SMAP1: variants seen among roughly 807,000 people sequenced by gnomAD.
SMAP1 encodes small ArfGAP 1, also known as stromal membrane-associated protein 1.
In SMAP1, 24 loss-of-function variants were observed where a neutral mutation model predicts 58.5. That is an observed-to-expected ratio of 0.41 (90% CI 0.30 to 0.58). The LOEUF is 0.58. Ranked by LOEUF, SMAP1 falls within the 20% of genes least tolerant of loss-of-function variation. The pLI is 0.29. For synonymous variants in SMAP1, 216 were observed against 196.6 expected, an observed-to-expected ratio of 1.10 and a Z score of -0.82; for missense variants, 563 against 566.3, an observed-to-expected ratio of 0.99 and a Z score of 0.06.
intron 3 of SMAP1, among the ~76,000 whole-genome samples, chr6:70,760,137 T>C (rs183512938): frequency 1.3e-5 from 2 of 152,222 alleles, no homozygotes; most frequent in East Asian, 3.9e-4. Context: ...TGATTGCCTT[T>C]GAAAATAGGG....
intron 1 of SMAP1, chr6:70,668,568 T>G (rs1249117008): frequency 1.3e-6 from 2 of 1,534,812 alleles, no homozygotes; most frequent in Non-Finnish European, 1.7e-6. Flanking sequence ...CTGGATCCCC[T>G]CCTCTACCCT....
intron 3 of SMAP1, among the ~76,000 whole-genome samples, chr6:70,759,024 A>G (rs1204901150): frequency 6.6e-6 from 1 of 152,056 alleles, no homozygotes; most frequent in Non-Finnish European, 1.5e-5. Context: ...CAGATTGAGG[A>G]GTCGCTTAGC....
chr6:70,779,815 T>G (rs1368376528), intron 4 of SMAP1, among the ~76,000 whole-genome samples: 1 of 152,202 alleles, frequency 6.6e-6, no homozygotes, highest in Non-Finnish European at 1.5e-5. Context: ...CGTGATGATC[T>G]GAGGTGGAGC....
At position 70,670,371 on chromosome 6, in the gene SMAP1, T is replaced by C. The variant is rs145880276; in HGVS notation, c.118+2230T>C. ...AAAAAATCACAGGTAAGGCCACTTA[T>C]TGATTTAATTAGACTTGATTTCATG... On this transcript the variant is annotated intron_variant, in intron 1 of 10. Coordinates refer to ENST00000370455, the MANE Select transcript of SMAP1 (RefSeq NM_001044305.3). 8.8e-3 allele frequency among the ~76,000 whole-genome samples: 1,348 copies of C among 152,332 alleles called. 22 individuals carry two copies. The highest frequency in any genetic ancestry group is 0.031 in the African/African-American group (1,282 of 41,572).
At chr6:70,757,868 C>G (rs1766568388) in intron 3 of SMAP1, among the ~76,000 whole-genome samples, 1 of 151,704 alleles carries the variant, frequency 6.6e-6, no homozygotes, top group Non-Finnish European at 1.5e-5. Context: ...AGTCAGGAAA[C>G]AACAGGTGCT....
intron 6 of SMAP1, among the ~76,000 whole-genome samples, chr6:70,834,127 C>G (rs1358225082): frequency 2.0e-5 from 3 of 152,120 alleles, no homozygotes; most frequent in African/African-American, 7.2e-5. Flanking sequence ...CTCAATTTAG[C>G]TTTTTCTTTC....
chr6:70,783,539 A>C (rs1031932417), intron 4 of SMAP1, among the ~76,000 whole-genome samples: 3 of 152,332 alleles, frequency 2.0e-5, no homozygotes, highest in Admixed American at 2.0e-4. Flanking sequence ...ATGGCAAAGA[A>C]GTTAAAAACT....
chr6:70,734,606 A>T (rs1304447506), intron 2 of SMAP1: 2 of 152,748 alleles, frequency 1.3e-5, no homozygotes, highest in African/African-American at 4.8e-5. Flanking sequence ...GGGGACTCTG[A>T]TGAGGCTGGG....
At chr6:70,684,717 ATTCC>A (rs1176480517) in intron 1 of SMAP1, among the ~76,000 whole-genome samples, 1 of 152,036 alleles carries the variant, frequency 6.6e-6, no homozygotes, top group African/African-American at 2.4e-5. Flanking sequence ...TTACATTTTT[ATTCC>A]TTCTACCCAA....
intron 1 of SMAP1, among the ~76,000 whole-genome samples, chr6:70,715,733 A>G (rs1246717993): frequency 2.0e-5 from 3 of 151,920 alleles, no homozygotes; most frequent in Non-Finnish European, 4.4e-5. Context: ...CTTTATTTCT[A>G]TTTTATTTTA....
intron 6 of SMAP1, among the ~76,000 whole-genome samples, chr6:70,800,096 T>C (rs1031167210): frequency 7.9e-5 from 12 of 152,122 alleles, no homozygotes. Flanking sequence ...ATAATACATG[T>C]GAAAATAAGG....
At chr6:70,706,723 CTCTATTAA>C (rs1334232962) in intron 1 of SMAP1, among the ~76,000 whole-genome samples, 2 of 152,146 alleles carry the variant, frequency 1.3e-5, no homozygotes, top group Non-Finnish European at 2.9e-5. Flanking sequence ...AGATGGCGCT[CTCTATTAA>C]TCCAAATTAA....
At position 70,859,485 on chromosome 6, in the gene SMAP1, TTGAAAC is replaced by T. The variant is rs1325771681; in HGVS notation, c.1270-712_1270-707del. 3.0e-6 allele frequency: 3 copies of T among 1,013,496 alleles called. No individual in the cohort carries two copies. The African/African-American group carries it at 4.9e-5, about 16-fold the overall frequency. The allele number at this position is 1,013,496 out of a possible 1,614,324, so 62.8% of individuals were successfully genotyped here. Reference sequence around the variant, plus strand: ...AGTGATGTAGTTTATGTTAGTGTCTTTGAAACTGTAAATAAGTCAAGTCAAATGTAT... The same window carrying T: ...AGTGATGTAGTTTATGTTAGTGTCTTTGTAAATAAGTCAAGTCAAATGTAT... On this transcript the variant is annotated intron_variant, in intron 10 of 10. Transcript: ENST00000370455.
chr6:70,725,357 C>T (rs1463244387), intron 1 of SMAP1, among the ~76,000 whole-genome samples: 1 of 151,922 alleles, frequency 6.6e-6, no homozygotes, highest in Non-Finnish European at 1.5e-5. Flanking sequence ...ACCTCGTGAT[C>T]TACCCGCCTC....
intron 6 of SMAP1, among the ~76,000 whole-genome samples, chr6:70,805,348 C>T (rs1398095312): frequency 6.6e-6 from 1 of 152,164 alleles, no homozygotes; most frequent in Non-Finnish European, 1.5e-5. Context: ...CTTTCAGCTC[C>T]ATCAGGTCAT....
chr6:70,703,440 A>C (rs951902239), intron 1 of SMAP1, among the ~76,000 whole-genome samples: 3 of 152,106 alleles, frequency 2.0e-5, no homozygotes, highest in Admixed American at 2.0e-4. Flanking sequence ...TATTTTTATA[A>C]ATATTTTTGA....
chr6:70,806,230 C>T (rs1769122910), intron 6 of SMAP1, among the ~76,000 whole-genome samples: 1 of 152,210 alleles, frequency 6.6e-6, no homozygotes, highest in Non-Finnish European at 1.5e-5. Flanking sequence ...TGCCTCTCCC[C>T]TGCCCAGCTG....
At chr6:70,756,286 A>C (rs1186858537) in intron 3 of SMAP1, among the ~76,000 whole-genome samples, 1 of 152,116 alleles carries the variant, frequency 6.6e-6, no homozygotes, top group African/African-American at 2.4e-5. Flanking sequence ...TTGTGTGGCC[A>C]GTGGAGGAAA....
intron 6 of SMAP1, among the ~76,000 whole-genome samples, chr6:70,813,422 G>A (rs1373319033): frequency 6.6e-6 from 1 of 152,008 alleles, no homozygotes; most frequent in Non-Finnish European, 1.5e-5. Context: ...AATATATTTT[G>A]TTTAAATGAA....
Sources: allele counts gnomAD v4.1 joint callset (sites outside exome capture counted in the v4.1 genomes callset), GRCh38; gene constraint gnomAD v4.1.1; transcripts MANE v1.5; gene names NCBI Gene and HGNC (gene_info 2026-07-23, HGNC 2026-07-21).